The following EPB41L1 variants were observed in gnomAD, a reference collection of about 807,000 sequenced individuals.
EPB41L1 encodes band 4.1-like protein 1.
In EPB41L1, 29 loss-of-function variants were observed where a neutral mutation model predicts 97.8. That is an observed-to-expected ratio of 0.30 (90% CI 0.22 to 0.40). EPB41L1 has a LOEUF of 0.40. EPB41L1 is among the 10% of genes least tolerant of loss of function. The pLI is 1.00. For missense variants in EPB41L1, 812 were observed against 1,162.3 expected (o/e 0.70, Z 4.38); for synonymous variants, 383 against 459.2 (o/e 0.83, Z 2.12).
chr20:36,204,401 C>T (rs558718622), intron 14 of EPB41L1, among the ~76,000 whole-genome samples: 1 of 150,766 alleles, frequency 6.6e-6, no homozygotes, highest in South Asian at 2.1e-4. Context: ...CCCTCCCAGG[C>T]ATTGTTTGAA....
In EPB41L1 at chr20:36,190,749, G is replaced by A; in HGVS notation, c.1252G>A (p.Glu418Lys). 2 of 1,614,180 alleles carry A rather than the reference G, an allele frequency of 1.2e-6. No individual in the cohort carries two copies. The highest frequency in any genetic ancestry group is 1.7e-6 in the Non-Finnish European group (2 of 1,180,038). The stretch of plus-strand genomic sequence containing the variant: ...CATTGACCGGCCTGCACCCTTCTTT[G>A]AGCGTTCTTCCAGCAAACGGTACAC... ...ALIDRPAPFF[E>K]RSSSKRYTMS... The change falls in exon 11 of 22, where the codon GAG becomes AAG. Residue 418 changes from glutamate to lysine, a missense_variant. Around this residue, in one of 3 missense-constraint regions of EPB41L1, gnomAD observed 498 missense variants for 622.7 expected, o/e 0.80. Coordinates refer to ENST00000338074, the MANE Select transcript of EPB41L1 (RefSeq NM_012156.2). The surrounding 1 kb of genome is among the most constrained non-coding windows in gnomAD (Gnocchi z 5.8).
chr20:36,098,346 G>T (rs746822737), intron 1 of EPB41L1, among the ~76,000 whole-genome samples: 9 of 152,176 alleles, frequency 5.9e-5, no homozygotes, highest in Non-Finnish European at 1.0e-4. Context: ...CATGAAGCAC[G>T]CAAACCAGGT....
intron 14 of EPB41L1, among the ~76,000 whole-genome samples, chr20:36,202,553 G>C (rs1177726411): frequency 1.3e-5 from 2 of 152,046 alleles, no homozygotes; most frequent in Admixed American, 1.3e-4. Flanking sequence ...CAGCACTTTG[G>C]GAGACTGAGT....
rs78442416 is a variant in EPB41L1, at chr20:36,209,753, G to A, written c.1934G>A (p.Arg645Gln). 3.8e-4 allele frequency: 621 copies of A among 1,614,086 alleles called. 1 individual carries two copies. In the East Asian group the frequency reaches 5.1e-3, roughly 13 times the overall value. The change falls in exon 15 of 22, where the codon CGG becomes CAG. Residue 645 changes from arginine (R) to glutamine (Q), a missense_variant. Arg to Gln is a conservative substitution (Grantham distance 43, BLOSUM62 1). Transcript: ENST00000338074. The surrounding 1 kb of genome is among the most constrained non-coding windows in gnomAD (Gnocchi z 4.2). ...DFSRSLPELD[R>Q]DKSDSDTEGL... ...TCCCGCAGCCTGCCTGAGCTCGACC[G>A]GGACAAAAGCGACTCGGACACTGAG... is the stretch of plus-strand genomic sequence containing the variant.
chr20:36,152,668 A>ATCTGG (rs2060101573), upstream of EPB41L1: 1 of 247,044 alleles, frequency 4.0e-6, no homozygotes, highest in Non-Finnish European at 8.1e-6. Context: ...CAATAAATGC[A>ATCTGG]TCTGGTATAA....
At chr20:36,181,780 G>A (rs567908300) in intron 5 of EPB41L1, among the ~76,000 whole-genome samples, 14 of 152,198 alleles carry the variant, frequency 9.2e-5, no homozygotes, top group Non-Finnish European at 2.1e-4. Context: ...CCTGTTTAAT[G>A]TATTATCTAG....
chr20:36,136,148 A>G (rs1200441901), intron 2 of EPB41L1, among the ~76,000 whole-genome samples: 1 of 152,028 alleles, frequency 6.6e-6, no homozygotes, highest in Non-Finnish European at 1.5e-5. Flanking sequence ...GTGGTAAAAT[A>G]TACAGAACCT....
intron 15 of EPB41L1, among the ~76,000 whole-genome samples, chr20:36,210,282 G>A (rs1278710967): frequency 6.6e-6 from 1 of 152,092 alleles, no homozygotes; most frequent in Non-Finnish European, 1.5e-5. Flanking sequence ...TCCGGGCCCA[G>A]GCTTGTCTCT....
intron 2 of EPB41L1, among the ~76,000 whole-genome samples, chr20:36,147,909 A>G (rs1316705370): frequency 6.6e-6 from 1 of 152,198 alleles, no homozygotes; most frequent in Non-Finnish European, 1.5e-5. Context: ...GTACATGGCC[A>G]GATTTTTCAT....
chr20:36,223,442 A>T (rs1409333160), intron 21 of EPB41L1, among the ~76,000 whole-genome samples: 2 of 152,180 alleles, frequency 1.3e-5, no homozygotes, highest in Admixed American at 6.5e-5. Context: ...GAGAAATAAG[A>T]TGATGTTGGG....
chr20:36,218,076 G>A (rs141575381), intron 17 of EPB41L1, among the ~76,000 whole-genome samples: 1 of 152,310 alleles, frequency 6.6e-6, no homozygotes, highest in East Asian at 1.9e-4. Context: ...ATTTAAGGTA[G>A]GGCCAAGAGA....
At chr20:36,205,553 A>G (rs1258237324) in intron 14 of EPB41L1, among the ~76,000 whole-genome samples, 1 of 152,116 alleles carries the variant, frequency 6.6e-6, no homozygotes, top group African/African-American at 2.4e-5. Flanking sequence ...GTGGATCTCC[A>G]TTTCCCCATG....
At chr20:36,191,885 T>C (rs559071104) in intron 11 of EPB41L1, among the ~76,000 whole-genome samples, 1 of 152,246 alleles carries the variant, frequency 6.6e-6, no homozygotes, top group Admixed American at 6.5e-5. Flanking sequence ...CCTTAAGAAA[T>C]TGTACCCATC....
chr20:36,184,451 G>T (rs1227834966), intron 6 of EPB41L1, among the ~76,000 whole-genome samples: 1 of 152,192 alleles, frequency 6.6e-6, no homozygotes, highest in Non-Finnish European at 1.5e-5. Context: ...AGTTGGAAAT[G>T]TTTCTTTAAA....
chr20:36,132,462 C>T (rs1413457569), intron 2 of EPB41L1, among the ~76,000 whole-genome samples: 1 of 151,092 alleles, frequency 6.6e-6, no homozygotes, highest in African/African-American at 2.4e-5. Context: ...GGACCATTCT[C>T]CATCTCAAAA....
intron 2 of EPB41L1, among the ~76,000 whole-genome samples, chr20:36,126,747 G>A (rs1001513626): frequency 2.0e-5 from 3 of 152,206 alleles, no homozygotes; most frequent in African/African-American, 7.2e-5. Context: ...GTAAGCTCCT[G>A]CGTGCTCCCT....
At chr20:36,095,720 G>A (rs1373597861) in intron 1 of EPB41L1, among the ~76,000 whole-genome samples, 2 of 152,198 alleles carry the variant, frequency 1.3e-5, no homozygotes. Context: ...CTCACCAACA[G>A]CAGCAGGGTT....
intron 14 of EPB41L1, among the ~76,000 whole-genome samples, chr20:36,205,074 T>G (rs569752171): frequency 6.6e-6 from 1 of 152,218 alleles, no homozygotes; most frequent in Non-Finnish European, 1.5e-5. Flanking sequence ...TTGTTTCTTT[T>G]AGATTGAACA....
chr20:36,128,126 T>C (rs6141601), intron 2 of EPB41L1, among the ~76,000 whole-genome samples: 31,828 of 152,056 alleles, frequency 0.21, 3,660 homozygotes, highest in African/African-American at 0.3. Flanking sequence ...CCAGGCCTAA[T>C]TTGTCTACCT....
Sources: allele counts gnomAD v4.1 joint callset (sites outside exome capture counted in the v4.1 genomes callset), GRCh38; gene constraint gnomAD v4.1.1; regional missense constraint gnomAD v4.1.1; non-coding constraint Gnocchi (gnomAD v3.1); transcripts MANE v1.5; gene names NCBI Gene and HGNC (gene_info 2026-07-23, HGNC 2026-07-21).